The following PIAS1 variants were observed in gnomAD, a reference collection of about 807,000 sequenced individuals.
PIAS1 encodes E3 SUMO-protein ligase PIAS1.
PIAS1 carries 6 observed loss-of-function variants against 71.3 expected under a neutral mutation model. The observed-to-expected ratio is 0.08, with a 90% confidence interval of 0.05 to 0.17. The LOEUF is 0.17. Ranked by LOEUF, PIAS1 falls within the 10% of genes least tolerant of loss-of-function variation. The pLI is 1.00. For synonymous variants in PIAS1, 303 were observed against 292.9 expected, an observed-to-expected ratio of 1.03 and a Z score of -0.35; for missense variants, 555 against 793.6, an observed-to-expected ratio of 0.70 and a Z score of 3.61.
chr15:68,123,810 A>T (rs1251875741), intron 2 of PIAS1, among the ~76,000 whole-genome samples: 1 of 152,174 alleles, frequency 6.6e-6, no homozygotes, highest in Non-Finnish European at 1.5e-5. Context: ...TCTTCAGGGC[A>T]TTTATTGATA....
At chr15:68,135,789 G>A (rs2092729277) in intron 2 of PIAS1, among the ~76,000 whole-genome samples, 1 of 42,920 alleles carries the variant, frequency 2.3e-5, no homozygotes, top group Admixed American at 1.8e-4. Context: ...GCTGCCGGGC[G>A]GAGGGGCTCC....
intron 1 of PIAS1, among the ~76,000 whole-genome samples, chr15:68,083,635 A>G (rs926765899): frequency 6.6e-6 from 1 of 152,116 alleles, no homozygotes; most frequent in Non-Finnish European, 1.5e-5. Context: ...CATGAAAGAA[A>G]GTACATTTGG....
intron 2 of PIAS1, among the ~76,000 whole-genome samples, chr15:68,132,200 C>CGGGCAT (rs953342991): frequency 6.0e-5 from 9 of 149,024 alleles, no homozygotes; most frequent in Non-Finnish European, 3.0e-5. Context: ...CAGTGTTGGC[C>CGGGCAT]GGGCATGGTG....
chr15:68,073,429 A>G (rs1205047103), intron 1 of PIAS1, among the ~76,000 whole-genome samples: 3 of 152,346 alleles, frequency 2.0e-5, no homozygotes, highest in Middle Eastern at 3.4e-3. Flanking sequence ...GACAGTCTCT[A>G]TAGACAGAGC....
rs376195025 is a variant in PIAS1, at chr15:68,086,088, G to A, written c.25-218G>A. Among the ~76,000 whole-genome samples the A allele has an allele frequency of 2.8e-4, 42 of 152,152 alleles. 1 individual carries two copies. The East Asian group carries it at 3.3e-3, about 12-fold the overall frequency. ...TTTATCCTATATTTCTTATAACCAA[G>A]GGTAGAAGTCAATGAATTTATGAAT... On this transcript the variant is annotated intron_variant, in intron 1 of 13. Coordinates refer to ENST00000249636, the MANE Select transcript of PIAS1 (RefSeq NM_016166.3). This position sits in a 1 kb window ranked among gnomAD's most constrained non-coding sequence, Gnocchi z 7.2.
chr15:68,181,455 G>A, intron 12 of PIAS1, 101 bp downstream of exon 12: 4 of 1,128,440 alleles, frequency 3.5e-6, no homozygotes, highest in Non-Finnish European at 5.2e-6. Context: ...GGAAGACTGA[G>A]CCAACAGGGC....
chr15:68,089,222 T>TA (rs772747093), intron 2 of PIAS1, among the ~76,000 whole-genome samples: 3 of 152,252 alleles, frequency 2.0e-5, no homozygotes, highest in Non-Finnish European at 2.9e-5. Flanking sequence ...CATTCATTCT[T>TA]ACGATCATTT....
At chr15:68,180,467 T>A (rs8040396) in intron 11 of PIAS1, among the ~76,000 whole-genome samples, 3,458 of 151,002 alleles carry the variant, frequency 0.023, 102 homozygotes, top group African/African-American at 0.069. Flanking sequence ...TAGTAAATTT[T>A]AAAAAAAAAG....
intron 2 of PIAS1, among the ~76,000 whole-genome samples, chr15:68,130,434 TC>T (rs1277072237): frequency 6.6e-6 from 1 of 152,008 alleles, no homozygotes; most frequent in Non-Finnish European, 1.5e-5. Context: ...AATGTTTTTT[TC>T]TACATGTATA....
rs756640249 is a variant in PIAS1, at chr15:68,187,577, A to G, written c.1698A>G (p.Ala566=). Reference sequence around the variant, plus strand: ...CCTCCTTGCTTGCCGCTGCAGCAGCAGCAGTTTCAGATGATCAAGACCTCC... The same window carrying G: ...CCTCCTTGCTTGCCGCTGCAGCAGCGGCAGTTTCAGATGATCAAGACCTCC... ...YNTSLLAAAA[A]AVSDDQDLLH... is the part of the protein sequence containing the mutation. The change falls in exon 14 of 14, where the codon GCA becomes GCG. Residue 566 remains alanine, a synonymous_variant. Transcript: ENST00000249636. The surrounding 1 kb of genome is among the most constrained non-coding windows in gnomAD (Gnocchi z 5.3). The G allele has an allele frequency of 3.7e-6, 6 of 1,613,966 alleles. No individual in the cohort carries two copies. Among genetic ancestry groups the G allele is most frequent in the Admixed American group, 1.7e-5 (1 of 60,018 alleles).
At chr15:68,117,232 T>C (rs1250814183) in intron 2 of PIAS1, among the ~76,000 whole-genome samples, 2 of 151,932 alleles carry the variant, frequency 1.3e-5, no homozygotes, top group African/African-American at 4.8e-5. Context: ...GGACTACAGG[T>C]GTGCGCCACC....
chr15:68,159,638 C>T (rs1360621863), intron 7 of PIAS1, among the ~76,000 whole-genome samples: 1 of 152,034 alleles, frequency 6.6e-6, no homozygotes, highest in Admixed American at 6.6e-5. Context: ...GTAGTTTGTT[C>T]TTTATTGCTG....
intron 7 of PIAS1, among the ~76,000 whole-genome samples, chr15:68,163,096 T>C (rs531815850): frequency 1.4e-4 from 22 of 152,312 alleles, no homozygotes; most frequent in Non-Finnish European, 2.9e-4. Flanking sequence ...GCCCTTCGTT[T>C]AGTTAGTTGA....
chr15:68,142,274 A>G lies in PIAS1; in HGVS notation c.555-16A>G. 6.3e-7 allele frequency: 1 copy of G among 1,592,420 alleles called. No homozygotes were observed. Among genetic ancestry groups the G allele is most frequent in the Non-Finnish European group, 8.6e-7 (1 of 1,161,740 alleles). On this transcript the variant is annotated splice_polypyrimidine_tract_variant and intron_variant, in intron 3 of 13. Coordinates refer to ENST00000249636, the MANE Select transcript of PIAS1 (RefSeq NM_016166.3). ...TACTTTAAAAGTAATTGTAATTCCT[A>G]TTCTGTCTCTTCTAGGGATATTTCT...
At chr15:68,075,210 T>C (rs1391551087) in intron 1 of PIAS1, among the ~76,000 whole-genome samples, 2 of 150,126 alleles carry the variant, frequency 1.3e-5, no homozygotes, top group Non-Finnish European at 3.0e-5. Flanking sequence ...CTCAGCCTCC[T>C]GAGTAGCTGG....
At chr15:68,130,592 G>C (rs1180895644) in intron 2 of PIAS1, among the ~76,000 whole-genome samples, 1 of 148,586 alleles carries the variant, frequency 6.7e-6, no homozygotes, top group Non-Finnish European at 1.5e-5. Flanking sequence ...AACAATTTCT[G>C]TATACTACAA....
At chr15:68,085,054 A>G (rs532559050) in intron 1 of PIAS1, among the ~76,000 whole-genome samples, 190 of 152,222 alleles carry the variant, frequency 1.2e-3, no homozygotes, top group African/African-American at 4.4e-3. Context: ...TTTTTGCTTA[A>G]TGGTTTTGCC....
chr15:68,090,927 G>GGTGGGTGTGTGT (rs1555425135), intron 2 of PIAS1, among the ~76,000 whole-genome samples: 21 of 142,856 alleles, frequency 1.5e-4, no homozygotes, highest in African/African-American at 5.2e-4. Flanking sequence ...GTCATTTACG[G>GGTGGGTGTGTGT]GTGTGTGTGT....
At chr15:68,099,461 A>C (rs1308826177) in intron 2 of PIAS1, among the ~76,000 whole-genome samples, 2 of 151,884 alleles carry the variant, frequency 1.3e-5, no homozygotes, top group Non-Finnish European at 2.9e-5. Flanking sequence ...TTTATTGCTA[A>C]GTAATGATTC....
Sources: gnomAD v4.1 joint callset for allele counts (sites outside exome capture counted in the v4.1 genomes callset) on GRCh38, gnomAD v4.1.1 for gene constraint, Gnocchi (gnomAD v3.1) non-coding constraint, MANE v1.5 for transcripts, NCBI Gene and HGNC (gene_info 2026-07-23, HGNC 2026-07-21) for gene names.